Variants in NDST3 observed in about 807,000 individuals in gnomAD.
The protein encoded by NDST3 is N-deacetylase and N-sulfotransferase 3, also known as bifunctional heparan sulfate N-deacetylase/N-sulfotransferase 3.
NDST3 carries 58 observed loss-of-function variants against 96.1 expected under a neutral mutation model. The observed-to-expected ratio is 0.60, with a 90% CI of 0.49 to 0.75. The LOEUF is 0.75. Among genes scored for constraint, NDST3 ranks in the 30% least tolerant of loss-of-function variants. The pLI is 0.00. For synonymous variants in NDST3, 333 were observed against 359.7 expected, an observed-to-expected ratio of 0.93 and a Z score of 0.84; for missense variants, 788 against 1,034.2, an observed-to-expected ratio of 0.76 and a Z score of 3.27.
chr4:118,125,906 C>T (rs1305993430), intron 4 of NDST3, among the ~76,000 whole-genome samples: 1 of 151,908 alleles, frequency 6.6e-6, no homozygotes, highest in Non-Finnish European at 1.5e-5. Context: ...CCTGACTTGC[C>T]TTATTTTGTT....
At chr4:118,077,617 T>C (rs1042019859) in intron 2 of NDST3, among the ~76,000 whole-genome samples, 1 of 152,150 alleles carries the variant, frequency 6.6e-6, no homozygotes, top group African/African-American at 2.4e-5. Context: ...GGCAGACAGG[T>C]AATATACTTG....
intron 2 of NDST3, among the ~76,000 whole-genome samples, chr4:118,082,391 G>T (rs868077545): frequency 6.6e-6 from 1 of 152,144 alleles, no homozygotes; most frequent in African/African-American, 2.4e-5. Flanking sequence ...CAGCATTAGC[G>T]TTAGCCAGAG....
In NDST3 at chr4:118,257,279, C is replaced by G. The variant is rs977067188; in HGVS notation, c.*1567C>G. 3 of 152,196 alleles carry G rather than the reference C, an allele frequency of 2.0e-5. No individual in the cohort carries two copies. Among genetic ancestry groups the G allele is most frequent in the Non-Finnish European group, 4.4e-5 (3 of 68,170 alleles). 9.4% of individuals were successfully genotyped at this position (152,196 alleles called of 1,614,324 possible). On this transcript the variant is annotated 3_prime_UTR_variant, in exon 14 of 14. Coordinates refer to ENST00000296499, the MANE Select transcript of NDST3 (RefSeq NM_004784.3). Reference sequence around the variant, plus strand: ...TCAGCCTCCTGAGGAGCTGGGATTACAGCCATGCACCACCACGCCCGGGTA... The same window carrying G: ...TCAGCCTCCTGAGGAGCTGGGATTAGAGCCATGCACCACCACGCCCGGGTA...
chr4:118,244,923 G>A, intron 12 of NDST3, among the ~76,000 whole-genome samples: 1 of 152,046 alleles, frequency 6.6e-6, no homozygotes, highest in Non-Finnish European at 1.5e-5. Context: ...GTGATTGTGT[G>A]AATGAAATAA....
In NDST3 at chr4:118,162,447, G is replaced by C. The variant is rs4502667; in HGVS notation, c.1539+18763G>C. 6.6e-5 allele frequency among the ~76,000 whole-genome samples: 10 copies of C among 151,450 alleles called. 1 individual carries two copies. In the South Asian group the frequency reaches 2.1e-3, roughly 31 times the overall value. ...ACAGAGCCCTCAGAAATAATGCTGCGTATCTACAACTATCTGATCTTTGAA... is the reference window on the plus strand; with the variant it reads ...ACAGAGCCCTCAGAAATAATGCTGCCTATCTACAACTATCTGATCTTTGAA... On this transcript the variant is annotated intron_variant, in intron 6 of 13. Transcript: ENST00000296499.
chr4:118,117,610 C>A (rs1246351276), intron 4 of NDST3, among the ~76,000 whole-genome samples: 1 of 152,018 alleles, frequency 6.6e-6, no homozygotes, highest in Non-Finnish European at 1.5e-5. Context: ...TCTTTTAATT[C>A]TCAAATTAAC....
intron 10 of NDST3, among the ~76,000 whole-genome samples, chr4:118,238,037 G>A (rs1740752670): frequency 6.6e-6 from 1 of 151,814 alleles, no homozygotes; most frequent in Admixed American, 6.6e-5. Flanking sequence ...GCTAAAGTGG[G>A]AGGATTGCCT....
intron 8 of NDST3, 73 bp downstream of exon 8, chr4:118,227,055 A>T (rs1229215502): frequency 9.8e-7 from 1 of 1,019,420 alleles, no homozygotes; most frequent in Non-Finnish European, 1.5e-6. Flanking sequence ...TTGTCACAAT[A>T]AGTTCGTAAA....
rs75128143 is a variant in NDST3 at position 118,125,674 on chromosome 4, C to T, written c.1224+10714C>T. Among the ~76,000 whole-genome samples the T allele has an allele frequency of 4.5e-3, 680 of 152,104 alleles. 9 individuals carry two copies. The highest frequency in any genetic ancestry group is 0.015 in the African/African-American group (643 of 41,528). On this transcript the variant is annotated intron_variant, in intron 4 of 13. Coordinates refer to ENST00000296499, the MANE Select transcript of NDST3 (RefSeq NM_004784.3). The stretch of plus-strand genomic sequence containing the variant: ...CCACAAAGATTATGTCAAAGAAACA[C>T]AGAATTATAAACCTGGACTTTAGTG...
intron 1 of NDST3, among the ~76,000 whole-genome samples, chr4:118,035,840 C>T (rs1724121600): frequency 6.6e-6 from 1 of 151,676 alleles, no homozygotes; most frequent in Non-Finnish European, 1.5e-5. Context: ...AGTTAATTTT[C>T]TTCATAGTCT....
intron 2 of NDST3, among the ~76,000 whole-genome samples, chr4:118,066,079 C>T (rs1345989118): frequency 1.0e-5 from 1 of 96,698 alleles, no homozygotes; most frequent in African/African-American, 4.4e-5. Context: ...TTATATATAA[C>T]ATATTATATA....
At chr4:118,222,546 A>G (rs1235845174) in intron 6 of NDST3, among the ~76,000 whole-genome samples, 3 of 152,010 alleles carry the variant, frequency 2.0e-5, no homozygotes, top group African/African-American at 7.2e-5. Flanking sequence ...AAAACATTAA[A>G]CCGTCCTTTA....
intron 6 of NDST3, among the ~76,000 whole-genome samples, chr4:118,160,532 G>A (rs1392334566): frequency 2.0e-5 from 3 of 150,706 alleles, no homozygotes. Flanking sequence ...CTTTTCAAAA[G>A]AAGACATACA....
chr4:118,116,346 A>G (rs1731101188), intron 4 of NDST3, among the ~76,000 whole-genome samples: 1 of 152,206 alleles, frequency 6.6e-6, no homozygotes, highest in Non-Finnish European at 1.5e-5. Flanking sequence ...AAGATAAGAT[A>G]CTGAGAAGTG....
chr4:118,190,172 G>C (rs1010593226), intron 6 of NDST3, among the ~76,000 whole-genome samples: 1 of 151,552 alleles, frequency 6.6e-6, no homozygotes, highest in African/African-American at 2.4e-5. Context: ...TTAACTATTA[G>C]AACCCTAATT....
At chr4:118,118,834 G>T (rs1731319439) in intron 4 of NDST3, among the ~76,000 whole-genome samples, 1 of 152,026 alleles carries the variant, frequency 6.6e-6, no homozygotes, top group African/African-American at 2.4e-5. Flanking sequence ...CAACTGTACA[G>T]TGTGTAAAAT....
At chr4:118,125,967 T>C (rs1421173920) in intron 4 of NDST3, among the ~76,000 whole-genome samples, 1 of 151,988 alleles carries the variant, frequency 6.6e-6, no homozygotes, top group Non-Finnish European at 1.5e-5. Context: ...TTACATATAT[T>C]GGGCCACTCT....
chr4:118,108,893 C>G (rs1192937528), intron 3 of NDST3, among the ~76,000 whole-genome samples: 1 of 100,340 alleles, frequency 1.0e-5, no homozygotes, highest in Admixed American at 1.4e-4. Flanking sequence ...ATATTAACAA[C>G]TGGGAACCTC....
At chr4:118,062,763 A>C (rs957116062) in intron 2 of NDST3, among the ~76,000 whole-genome samples, 1 of 152,166 alleles carries the variant, frequency 6.6e-6, no homozygotes, top group African/African-American at 2.4e-5. Flanking sequence ...ATGTTTCTCT[A>C]CTATTAAGGA....
Sources: gnomAD v4.1 joint callset for allele counts (sites outside exome capture counted in the v4.1 genomes callset) on GRCh38, gnomAD v4.1.1 for gene constraint, MANE v1.5 for transcripts, NCBI Gene and HGNC (gene_info 2026-07-23, HGNC 2026-07-21) for gene names.